Variants in LARP1B observed in about 807,000 individuals in gnomAD.
The protein encoded by LARP1B is La ribonucleoprotein 1B.
LARP1B carries 76 observed loss-of-function variants against 114.2 expected under a neutral mutation model. The ratio of observed to expected loss-of-function variants is 0.67; its 90% CI spans 0.55 to 0.81. LARP1B has a LOEUF of 0.81. LARP1B is among the 30% of genes least tolerant of loss of function. LARP1B has a pLI of 0.00. For synonymous variants in LARP1B, 345 were observed against 348.0 expected, an observed-to-expected ratio of 0.99 and a Z score of 0.10; for missense variants, 1,014 against 1,075.8, an observed-to-expected ratio of 0.94 and a Z score of 0.80.
chr4:128,094,147 G>A (rs1776973974), intron 7 of LARP1B, among the ~76,000 whole-genome samples: 2 of 151,268 alleles, frequency 1.3e-5, no homozygotes, highest in African/African-American at 2.4e-5. Context: ...GGCTGGTCTC[G>A]AACTCCTGAC....
intron 15 of LARP1B, among the ~76,000 whole-genome samples, chr4:128,180,267 C>T (rs1238736120): frequency 6.6e-6 from 1 of 151,984 alleles, no homozygotes; most frequent in African/African-American, 2.4e-5. Flanking sequence ...TTCTTAAAAA[C>T]CATTTTGTGT....
intron 15 of LARP1B, among the ~76,000 whole-genome samples, chr4:128,183,532 A>G (rs547106617): frequency 6.6e-6 from 1 of 152,348 alleles, no homozygotes; most frequent in South Asian, 2.1e-4. Flanking sequence ...ATTACTGCTC[A>G]TTGACAGTGT....
At chr4:128,154,559 G>T (rs536363781) in intron 11 of LARP1B, among the ~76,000 whole-genome samples, 1 of 152,196 alleles carries the variant, frequency 6.6e-6, no homozygotes, top group African/African-American at 2.4e-5. Flanking sequence ...AGTTGCATGT[G>T]CAGTTTCCTC....
intron 10 of LARP1B, among the ~76,000 whole-genome samples, chr4:128,115,461 C>T (rs1785473210): frequency 6.6e-6 from 1 of 152,048 alleles, no homozygotes; most frequent in African/African-American, 2.4e-5. Context: ...GTCTCAGCTA[C>T]TCAGGAGGCT....
At position 128,082,374 on chromosome 4, in the gene LARP1B, C is replaced by T. The variant is rs550504161; in HGVS notation, c.358+69C>T. 3 of 1,391,648 alleles carry T rather than the reference C, an allele frequency of 2.2e-6. No homozygotes were observed. In the South Asian group the frequency reaches 3.6e-5, roughly 17 times the overall value. 86.2% of individuals were successfully genotyped at this position (1,391,648 alleles called of 1,614,324 possible). A position where few individuals can be genotyped will look rare whatever the true frequency, so the allele number is the denominator to read the frequency against. On this transcript the variant is annotated intron_variant, in intron 5 of 19. Coordinates refer to ENST00000326639, the MANE Select transcript of LARP1B (RefSeq NM_018078.4). The stretch of plus-strand genomic sequence containing the variant: ...GTCTTAATGCTCGTTATTTTAGTAA[C>T]CACATGTATAAACCATTTGAGAATA...
chr4:128,066,779 G>T (rs544863232), intron 1 of LARP1B, among the ~76,000 whole-genome samples: 1 of 146,082 alleles, frequency 6.8e-6, no homozygotes, highest in South Asian at 2.3e-4. Context: ...GCCTGGCCGG[G>T]CTTTCTATTT....
intron 1 of LARP1B, among the ~76,000 whole-genome samples, chr4:128,067,447 A>G (rs1763438636): frequency 6.6e-6 from 1 of 152,186 alleles, no homozygotes; most frequent in South Asian, 2.1e-4. Context: ...TTCAGGACAG[A>G]AATTATGAAT....
intron 12 of LARP1B, among the ~76,000 whole-genome samples, chr4:128,166,781 T>C (rs1217760570): frequency 6.6e-6 from 1 of 151,340 alleles, no homozygotes; most frequent in Non-Finnish European, 1.5e-5. Flanking sequence ...CTATATACTT[T>C]TTTTTTTAAA....
At chr4:128,171,632 T>A (rs1306929416) in intron 12 of LARP1B, among the ~76,000 whole-genome samples, 1 of 152,190 alleles carries the variant, frequency 6.6e-6, no homozygotes, top group Non-Finnish European at 1.5e-5. Flanking sequence ...AGGTTTCCTT[T>A]GTTATCATTT....
intron 12 of LARP1B, among the ~76,000 whole-genome samples, chr4:128,171,028 AAC>A (rs1743436735): frequency 6.6e-6 from 1 of 151,872 alleles, no homozygotes; most frequent in African/African-American, 2.4e-5. Context: ...GGGGTTGCAA[AAC>A]ACATACTTTT....
intron 7 of LARP1B, among the ~76,000 whole-genome samples, chr4:128,092,205 C>CAAAT (rs1443269443): frequency 1.3e-5 from 2 of 152,026 alleles, no homozygotes. Flanking sequence ...TTAGAATTTG[C>CAAAT]AAATTAACAT....
intron 5 of LARP1B, 151 bp from the exon 6 acceptor site, chr4:128,090,850 G>T: frequency 1.8e-6 from 1 of 555,142 alleles, no homozygotes; most frequent in Non-Finnish European, 3.1e-6. Flanking sequence ...ATTCTTATTG[G>T]ATCTCTTCAG....
At chr4:128,176,789 T>A in intron 12 of LARP1B, 83 bp from the exon 13 acceptor site, 1 of 1,327,168 alleles carries the variant, frequency 7.5e-7, no homozygotes, top group South Asian at 1.2e-5. Context: ...TGTAAGAAAA[T>A]AAATTTTAAT....
intron 15 of LARP1B, among the ~76,000 whole-genome samples, chr4:128,182,150 G>T: frequency 8.4e-6 from 1 of 119,190 alleles, no homozygotes; most frequent in Non-Finnish European, 1.6e-5. Flanking sequence ...GTCTCACTCT[G>T]TTGCACAGGC....
At chr4:128,067,203 AGTT>A (rs1417368337) in intron 1 of LARP1B, among the ~76,000 whole-genome samples, 2 of 152,188 alleles carry the variant, frequency 1.3e-5, no homozygotes. Flanking sequence ...TAAATCTATT[AGTT>A]ATCTATTAGT....
chr4:128,126,375 G>A (rs531669437), intron 11 of LARP1B, among the ~76,000 whole-genome samples: 5 of 152,012 alleles, frequency 3.3e-5, no homozygotes, highest in Admixed American at 2.0e-4. Context: ...TGCTTACCTC[G>A]GCTTCCGAAA....
intron 4 of LARP1B, among the ~76,000 whole-genome samples, chr4:128,081,187 TC>T (rs1292916484): frequency 2.0e-5 from 3 of 151,166 alleles, no homozygotes; most frequent in Non-Finnish European, 4.4e-5. Context: ...TAAGGAATTC[TC>T]CTGTCTCAGC....
At chr4:128,150,181 G>A (rs957417234) in intron 11 of LARP1B, among the ~76,000 whole-genome samples, 3 of 151,812 alleles carry the variant, frequency 2.0e-5, no homozygotes, top group Non-Finnish European at 4.4e-5. Context: ...CAACAAAAAA[G>A]GTGTGGTTAT....
intron 11 of LARP1B, among the ~76,000 whole-genome samples, chr4:128,138,596 C>T (rs922646184): frequency 6.6e-6 from 1 of 152,006 alleles, no homozygotes; most frequent in African/African-American, 2.4e-5. Context: ...ATCTTTGGTA[C>T]CTGAGCTGTA....
Sources: gnomAD v4.1 joint callset for allele counts (sites outside exome capture counted in the v4.1 genomes callset) on GRCh38, gnomAD v4.1.1 for gene constraint, MANE v1.5 for transcripts, NCBI Gene and HGNC (gene_info 2026-07-23, HGNC 2026-07-21) for gene names.